The following UBOX5 variants were observed in gnomAD, a reference collection of about 807,000 sequenced individuals.
UBOX5 encodes the protein U-box domain containing 5.
UBOX5 carries 28 observed loss-of-function variants against 39.0 expected under a neutral mutation model. The observed-to-expected ratio is 0.72, with a 90% CI of 0.53 to 0.98. UBOX5 has a LOEUF of 0.98. Among genes scored for constraint, UBOX5 ranks in the 50% least tolerant of loss-of-function variants. The pLI is 0.00. For synonymous variants in UBOX5, 283 were observed against 275.5 expected (o/e 1.03, Z -0.27); for missense variants, 585 against 674.4 (o/e 0.87, Z 1.47).
At chr20:3,141,370 AGGTGTGGT>A (rs756027741) in intron 1 of UBOX5, among the ~76,000 whole-genome samples, 49 of 152,170 alleles carry the variant, frequency 3.2e-4, no homozygotes, top group Middle Eastern at 3.4e-3. Flanking sequence ...CTTCCTCATC[AGGTGTGGT>A]GGCTCACACC....
intron 1 of UBOX5, among the ~76,000 whole-genome samples, chr20:3,145,246 A>G (rs2066550284): frequency 6.6e-6 from 1 of 151,672 alleles, no homozygotes; most frequent in Non-Finnish European, 1.5e-5. Context: ...TTGACCTTCT[A>G]AACTACGGTG....
chr20:3,155,553 G>A (rs574541069), intron 1 of UBOX5, among the ~76,000 whole-genome samples: 35 of 152,142 alleles, frequency 2.3e-4, no homozygotes, highest in Non-Finnish European at 3.1e-4. Context: ...TGGGTCGGGA[G>A]AGGAAACTAT....
chr20:3,121,982 C>G lies in UBOX5; in HGVS notation c.657G>C (p.Gln219His), dbSNP rs1358465843. Residue 219 changes from glutamine (Q) to histidine (H), a missense_variant, in exon 3 of 5, where the codon CAG becomes CAC. Physicochemically the swap from Gln to His is conservative, Grantham distance 24. Coordinates refer to ENST00000217173, the MANE Select transcript of UBOX5 (RefSeq NM_014948.4). ...AGGCTGGAGCCTGCAGAGCCACATC[C>G]TGAGGCAGGTTCTCTGAGGTGACCA... ...ILLVTSENLP[Q>H]DVALQAPALP... 1.9e-6 allele frequency: 3 copies of G among 1,614,012 alleles called. No individual in the cohort carries two copies. Among genetic ancestry groups the G allele is most frequent in the Non-Finnish European group, 2.5e-6 (3 of 1,180,052 alleles).
intron 3 of UBOX5, among the ~76,000 whole-genome samples, chr20:3,117,148 T>C (rs1416514952): frequency 1.3e-5 from 2 of 150,852 alleles, no homozygotes; most frequent in Non-Finnish European, 2.9e-5. Context: ...CACCAAGCAC[T>C]GACAATCACA....
At chr20:3,129,278 T>C (rs2066412485) in intron 1 of UBOX5, among the ~76,000 whole-genome samples, 1 of 152,238 alleles carries the variant, frequency 6.6e-6, no homozygotes, top group Non-Finnish European at 1.5e-5. Context: ...GCCTCTTGTC[T>C]GGCACTCCTC....
rs1229442289 is a variant in UBOX5 at position 3,121,458 on chromosome 20, G to A, written c.1181C>T (p.Thr394Ile). The change falls in exon 3 of 5, where the codon ACT becomes ATT. Residue 394 changes from threonine to isoleucine, a missense_variant. Thr to Ile is a moderately conservative substitution (Grantham distance 89, BLOSUM62 -1). Coordinates refer to ENST00000217173, the MANE Select transcript of UBOX5 (RefSeq NM_014948.4). ...FSATSPLVLP[T>I]TSEHTAKKMK... is the part of the protein sequence containing the mutation. Reference sequence around the variant, plus strand: ...TTTCTTAGCAGTGTGCTCTGAGGTAGTGGGTAAGACCAAAGGGCTTGTGGC... The same window carrying A: ...TTTCTTAGCAGTGTGCTCTGAGGTAATGGGTAAGACCAAAGGGCTTGTGGC... 6.2e-7 allele frequency: 1 copy of A among 1,614,006 alleles called. No individual in the cohort carries two copies. Among genetic ancestry groups the A allele is most frequent in the Non-Finnish European group, 8.5e-7 (1 of 1,180,030 alleles).
intron 1 of UBOX5, among the ~76,000 whole-genome samples, chr20:3,133,768 A>T (rs1270772796): frequency 6.6e-6 from 1 of 151,196 alleles, no homozygotes; most frequent in African/African-American, 2.4e-5. Flanking sequence ...GGGGGGGGAA[A>T]CAGGCTCTCA....
chr20:3,140,014 CTTTTTTT>C (rs138435815), intron 1 of UBOX5, among the ~76,000 whole-genome samples: 87 of 78,354 alleles, frequency 1.1e-3, no homozygotes, highest in Middle Eastern at 0.012. Context: ...GGCCTTTTTA[CTTTTTTT>C]TTTTTTTTTT....
chr20:3,122,912 T>C (rs1404746702), intron 2 of UBOX5, among the ~76,000 whole-genome samples: 1 of 151,720 alleles, frequency 6.6e-6, no homozygotes, highest in Admixed American at 6.6e-5. Flanking sequence ...CAAGACCCCA[T>C]ATCCCTTTTC....
At position 3,121,388 on chromosome 20, in the gene UBOX5, C is replaced by G; in HGVS notation, c.1251G>C (p.Ser417=). 2 of 1,606,636 alleles carry G rather than the reference C, an allele frequency of 1.2e-6. No homozygotes were observed. The highest frequency in any genetic ancestry group is 1.1e-5 in the South Asian group (1 of 89,878). The change falls in exon 3 of 5, where the codon TCG becomes TCC. Residue 417 remains serine (S), a synonymous_variant. Coordinates refer to ENST00000217173, the MANE Select transcript of UBOX5 (RefSeq NM_014948.4). ...GGACACAGGATGCTGAATTACCTGT[C>G]GAGCAGTCCATATGTGTCAGGCTGG... ...NEPSLTHMDC[S]TGPLSHEQKL... is the part of the protein sequence containing the mutation.
At chr20:3,115,234 G>C (rs753688995) in intron 4 of UBOX5, 71 bp downstream of exon 4, 2 of 1,519,220 alleles carry the variant, frequency 1.3e-6, no homozygotes, top group Non-Finnish European at 1.8e-6. Context: ...CAGGGACTCG[G>C]CCCAGCATCC....
At chr20:3,110,881 C>T (rs857246) in intron 4 of UBOX5, among the ~76,000 whole-genome samples, 112,221 of 151,692 alleles carry the variant, frequency 0.74, 43,067 homozygotes, top group East Asian at 0.99. Context: ...TGGTCCAGTG[C>T]ACCAAGGTTG....
At chr20:3,130,750 A>G (rs927910577) in intron 1 of UBOX5, among the ~76,000 whole-genome samples, 7 of 147,654 alleles carry the variant, frequency 4.7e-5, no homozygotes, top group Non-Finnish European at 9.0e-5. Flanking sequence ...TTGAACTCTT[A>G]TTGATTTTAA....
chr20:3,144,339 A>T (rs777519559), intron 1 of UBOX5, among the ~76,000 whole-genome samples: 2 of 152,240 alleles, frequency 1.3e-5, no homozygotes, highest in Non-Finnish European at 2.9e-5. Flanking sequence ...CCCCACATGT[A>T]TGGTCAATTG....
At chr20:3,142,589 G>A (rs2066526239) in intron 1 of UBOX5, among the ~76,000 whole-genome samples, 1 of 144,762 alleles carries the variant, frequency 6.9e-6, no homozygotes, top group Non-Finnish European at 1.5e-5. Flanking sequence ...GGGTGACAGA[G>A]TGAGACTCCG....
chr20:3,115,423 A>G lies in UBOX5; in HGVS notation c.1299T>C (p.Ile433=), dbSNP rs1248574629. ...TAGAGCCAAGGGTGGATGCCAAGGC[A>G]ATTTCCAAGCTTTGTGACAGCTTCT... ...HEQKLSQSLE[I]ALASTLGSMP... Residue 433 remains isoleucine, a synonymous_variant, in exon 4 of 5, where the codon ATT becomes ATC. Coordinates refer to ENST00000217173, the MANE Select transcript of UBOX5 (RefSeq NM_014948.4). 17 of 1,613,902 alleles carry G rather than the reference A, an allele frequency of 1.1e-5. No homozygotes were observed. Among genetic ancestry groups the G allele is most frequent in the East Asian group, 2.2e-5 (1 of 44,878 alleles).
In UBOX5 at chr20:3,141,166, G is replaced by A. The variant is rs73608128; in HGVS notation, c.-41-17760C>T. Among the ~76,000 whole-genome samples the A allele has an allele frequency of 9.6e-3, 1,462 of 151,778 alleles. 113 individuals are homozygous for A. The East Asian group carries it at 0.2, about 21-fold the overall frequency. ...ACTCCTGACCTCAGGTGATCCGCCC[G>A]CCTCAGCCTCCCAAAGTGCTGGGAT... On this transcript the variant is annotated intron_variant, in intron 1 of 4. Coordinates refer to ENST00000217173, the MANE Select transcript of UBOX5 (RefSeq NM_014948.4).
Position 3,109,188 on chromosome 20 carries a change from T to C in UBOX5, c.*918A>G, listed in dbSNP as rs559547161. On this transcript the variant is annotated 3_prime_UTR_variant, in exon 5 of 5. Coordinates refer to ENST00000217173, the MANE Select transcript of UBOX5 (RefSeq NM_014948.4). ...TTCTAGTGGCTGGAATCTGATAGAG[T>C]ACCAAGTTGTAGGGATATGGATATA... 7 of 152,150 alleles carry C rather than the reference T, an allele frequency of 4.6e-5. No individual in the cohort carries two copies. Among genetic ancestry groups the C allele is most frequent in the African/African-American group, 1.4e-4 (6 of 41,508 alleles). The allele number at this position is 152,150 out of a possible 1,614,324, so 9.4% of individuals were successfully genotyped here.
At chr20:3,143,720 G>A (rs1490392745) in intron 1 of UBOX5, among the ~76,000 whole-genome samples, 1 of 152,184 alleles carries the variant, frequency 6.6e-6, no homozygotes, top group Non-Finnish European at 1.5e-5. Context: ...CTGAACCTGG[G>A]AGGCGGAGCT....
Sources: gnomAD v4.1 joint callset for allele counts (sites outside exome capture counted in the v4.1 genomes callset) on GRCh38, gnomAD v4.1.1 for gene constraint, MANE v1.5 for transcripts, NCBI Gene and HGNC (gene_info 2026-07-23, HGNC 2026-07-21) for gene names.